Variants in GLIS1 observed in about 807,000 individuals in gnomAD.
GLIS1 encodes GLIS family zinc finger 1.
A neutral mutation model predicts 63.8 loss-of-function variants in GLIS1; 24 were observed. The observed-to-expected ratio is 0.38, with a 90% confidence interval of 0.27 to 0.53. The LOEUF (loss-of-function observed/expected upper bound fraction) is 0.53, where lower values mean the gene tolerates loss of function less well. Ranked by LOEUF, GLIS1 falls within the 20% of genes least tolerant of loss-of-function variation. The pLI is 0.85. For synonymous variants in GLIS1, 450 were observed against 482.5 expected (o/e 0.93, Z 0.88); for missense variants, 1,036 against 1,074.1 (o/e 0.96, Z 0.50).
At chr1:53,538,049 C>T (rs1644599653) in intron 4 of GLIS1, among the ~76,000 whole-genome samples, 1 of 152,240 alleles carries the variant, frequency 6.6e-6, no homozygotes, top group Non-Finnish European at 1.5e-5. Flanking sequence ...AGGGCCGCTC[C>T]TCGCTCCTGC....
intron 4 of GLIS1, among the ~76,000 whole-genome samples, chr1:53,592,807 T>C (rs1029172382): frequency 1.3e-5 from 2 of 152,248 alleles, no homozygotes; most frequent in African/African-American, 4.8e-5. Flanking sequence ...TGCTGCTCAC[T>C]TGTTTACAAA....
At position 53,524,837 on chromosome 1, in the gene GLIS1, G is replaced by A. The variant is rs1446989926; in HGVS notation, c.1533C>T (p.Pro511=). 15 of 1,613,584 alleles carry A rather than the reference G, an allele frequency of 9.3e-6. No homozygotes were observed. The highest frequency in any genetic ancestry group is 1.3e-5 in the Non-Finnish European group (15 of 1,179,950). The change falls in exon 6 of 11, where the codon CCC becomes CCT. Residue 511 remains proline, a synonymous_variant. Transcript: ENST00000628545. The stretch of plus-strand genomic sequence containing the variant: ...CCTTGACGTGCTTGCGGAGGGAGCT[G>A]GGGTCTGTGTAGCGCTTGGAGCAGC... ...IPGCSKRYTD[P]SSLRKHVKAH...
chr1:53,548,692 TCTGG>T (rs766379018), intron 4 of GLIS1, among the ~76,000 whole-genome samples: 2 of 152,230 alleles, frequency 1.3e-5, no homozygotes, highest in Non-Finnish European at 2.9e-5. Context: ...GGCCAGATTT[TCTGG>T]CTGACATTAT....
At chr1:53,713,114 C>T (rs1377936961) in intron 2 of GLIS1, among the ~76,000 whole-genome samples, 1 of 152,250 alleles carries the variant, frequency 6.6e-6, no homozygotes, top group African/African-American at 2.4e-5. Context: ...AGAGACATGC[C>T]ACGACTTCAA....
In GLIS1 at chr1:53,506,397, G is replaced by C. The variant is rs1191161430; in HGVS notation, c.*222C>G. 4 of 552,108 alleles carry C rather than the reference G, an allele frequency of 7.2e-6. No homozygotes were observed. In the African/African-American group the frequency reaches 7.5e-5, roughly 10 times the overall value. 34.2% of individuals were successfully genotyped at this position (552,108 alleles called of 1,614,324 possible). A position where few individuals can be genotyped will look rare whatever the true frequency, so the allele number is the denominator to read the frequency against. On this transcript the variant is annotated 3_prime_UTR_variant, in exon 11 of 11. Transcript: ENST00000628545. ...GACAAGATCGAGGGAATGTTACAGGGCCACAGATCCTGGCGGGCACCTCTG... is the reference window on the plus strand; with the variant it reads ...GACAAGATCGAGGGAATGTTACAGGCCCACAGATCCTGGCGGGCACCTCTG...
At chr1:53,695,602 T>C (rs897575562) in intron 2 of GLIS1, among the ~76,000 whole-genome samples, 2 of 152,160 alleles carry the variant, frequency 1.3e-5, no homozygotes, top group African/African-American at 4.8e-5. Flanking sequence ...CCTGGGCCTC[T>C]TCCCTCCACC....
chr1:53,691,081 C>T lies in GLIS1; in HGVS notation c.259+46725G>A, dbSNP rs548410062. Among the ~76,000 whole-genome samples, 416 of 152,292 alleles carry T rather than the reference C, an allele frequency of 2.7e-3. 1 individual carries two copies. The highest frequency in any genetic ancestry group is 4.7e-3 in the Non-Finnish European group (321 of 68,020). On this transcript the variant is annotated intron_variant, in intron 2 of 10. Transcript: ENST00000628545. ...GTCAAAAAGGAAGGGAGAGACCAGG[C>T]GCCGTGGCTCATGCCTATAATCCCA... is the stretch of plus-strand genomic sequence containing the variant.
intron 2 of GLIS1, among the ~76,000 whole-genome samples, chr1:53,625,854 A>C (rs748836438): frequency 5.6e-4 from 86 of 152,366 alleles, no homozygotes; most frequent in Middle Eastern, 6.8e-3. Context: ...CAGGCCCTGC[A>C]GCCAGCACAG....
At chr1:53,571,582 A>G (rs577920596) in intron 4 of GLIS1, among the ~76,000 whole-genome samples, 1 of 148,466 alleles carries the variant, frequency 6.7e-6, no homozygotes, top group Non-Finnish European at 1.5e-5. Context: ...ATGGATAAAA[A>G]TTTTTTTTTT....
chr1:53,623,734 C>A (rs1188860661), intron 2 of GLIS1, among the ~76,000 whole-genome samples: 3 of 152,096 alleles, frequency 2.0e-5, no homozygotes, highest in Non-Finnish European at 4.4e-5. Flanking sequence ...AATTTTAATT[C>A]TCTATACTAG....
chr1:53,562,309 C>G (rs1644900262), intron 4 of GLIS1, among the ~76,000 whole-genome samples: 1 of 152,156 alleles, frequency 6.6e-6, no homozygotes, highest in Non-Finnish European at 1.5e-5. Context: ...TTTCAAGGAG[C>G]TGAGTGGCAA....
chr1:53,630,208 T>C (rs1243777334), intron 2 of GLIS1, among the ~76,000 whole-genome samples: 1 of 152,222 alleles, frequency 6.6e-6, no homozygotes, highest in Non-Finnish European at 1.5e-5. Flanking sequence ...TGCATAATAT[T>C]CCATCATGAT....
intron 2 of GLIS1, among the ~76,000 whole-genome samples, chr1:53,602,692 G>T (rs1283958537): frequency 6.6e-6 from 1 of 152,206 alleles, no homozygotes; most frequent in Non-Finnish European, 1.5e-5. Flanking sequence ...GTCAAGGTTT[G>T]GAGAGAGATT....
At chr1:53,660,231 C>T (rs1223321320) in intron 2 of GLIS1, among the ~76,000 whole-genome samples, 3 of 152,170 alleles carry the variant, frequency 2.0e-5, no homozygotes, top group Non-Finnish European at 4.4e-5. Context: ...CTTGCAGACC[C>T]TTGCAAGATG....
rs907971559 is a variant in GLIS1 at position 53,526,681 on chromosome 1, C to T, written c.1483-1794G>A. Among the ~76,000 whole-genome samples the T allele has an allele frequency of 2.0e-5, 3 of 152,234 alleles. No individual in the cohort carries two copies. The highest frequency in any genetic ancestry group is 6.5e-5 in the Admixed American group (1 of 15,292). On this transcript the variant is annotated intron_variant, in intron 5 of 10. Transcript: ENST00000628545. The surrounding 1 kb of genome is among the most constrained non-coding windows in gnomAD (Gnocchi z 4.4). ...CCCTGAGCCGGCCCCAGGACTGTCC[C>T]TTGGGGATGCTGATACAAATCCACT... is the stretch of plus-strand genomic sequence containing the variant.
At chr1:53,608,515 T>C (rs1338679069) in intron 2 of GLIS1, among the ~76,000 whole-genome samples, 1 of 152,216 alleles carries the variant, frequency 6.6e-6, no homozygotes, top group Non-Finnish European at 1.5e-5. Context: ...AGAGAGAGTA[T>C]AGCATCACAG....
intron 2 of GLIS1, among the ~76,000 whole-genome samples, chr1:53,638,977 A>C (rs1312744538): frequency 6.6e-6 from 1 of 152,164 alleles, no homozygotes; most frequent in African/African-American, 2.4e-5. Context: ...GGAGGGCAGA[A>C]GGAACAATTT....
intron 2 of GLIS1, among the ~76,000 whole-genome samples, chr1:53,711,604 T>C (rs951206109): frequency 2.0e-5 from 3 of 152,150 alleles, no homozygotes; most frequent in Non-Finnish European, 4.4e-5. Context: ...TATTAGTCCT[T>C]ATGCAAGTGA....
chr1:53,510,343 T>C (rs1479954362), intron 8 of GLIS1, among the ~76,000 whole-genome samples: 1 of 152,202 alleles, frequency 6.6e-6, no homozygotes, highest in Non-Finnish European at 1.5e-5. Context: ...GGCAAGCTGC[T>C]CAATGTCTCT....
Sources: gnomAD v4.1 joint callset for allele counts (sites outside exome capture counted in the v4.1 genomes callset) on GRCh38, gnomAD v4.1.1 for gene constraint, Gnocchi (gnomAD v3.1) non-coding constraint, MANE v1.5 for transcripts, NCBI Gene and HGNC (gene_info 2026-07-23, HGNC 2026-07-21) for gene names.